Variants in RAPGEF3 observed in about 807,000 individuals in gnomAD.
RAPGEF3 encodes the protein 9330170P05Rik.
A neutral mutation model predicts 129.8 loss-of-function variants in RAPGEF3; 103 were observed. That is an observed-to-expected ratio of 0.79 (90% CI 0.68 to 0.93). The LOEUF (loss-of-function observed/expected upper bound fraction) is 0.93, where lower values mean the gene tolerates loss of function less well. Ranked by LOEUF, RAPGEF3 falls within the 40% of genes least tolerant of loss-of-function variation. RAPGEF3 has a pLI of 0.00. For missense variants in RAPGEF3, 1,117 were observed against 1,207.4 expected (o/e 0.93, Z 1.11); for synonymous variants, 436 against 482.6 (o/e 0.90, Z 1.26).
In RAPGEF3 at chr12:47,758,093, G is replaced by A; in HGVS notation, c.7-15C>T. The A allele has an allele frequency of 1.9e-6, 3 of 1,554,192 alleles. No homozygotes were observed. Among genetic ancestry groups the A allele is most frequent in the Non-Finnish European group, 2.6e-6 (3 of 1,149,420 alleles). ...GGCCAGCCCACCTGTGACACGGGGA[G>A]GAAAGTGGACAGCCATGGGACACGA... On this transcript the variant is annotated splice_polypyrimidine_tract_variant and intron_variant, in intron 1 of 27. Coordinates refer to ENST00000449771, the MANE Select transcript of RAPGEF3 (RefSeq NM_001098531.4).
At position 47,738,253 on chromosome 12, in the gene RAPGEF3, G is replaced by T; in HGVS notation, c.2527-6C>A. ...GCGGCTCTGGCCATCATTCTCTGCG[G>T]ACAACACCGGGGCATAAGCTCTTGC... On this transcript the variant is annotated splice_polypyrimidine_tract_variant and splice_region_variant and intron_variant, in intron 25 of 27. Transcript: ENST00000449771. 1.2e-6 allele frequency: 2 copies of T among 1,613,140 alleles called. No individual in the cohort carries two copies. Among genetic ancestry groups the T allele is most frequent in the Non-Finnish European group, 1.7e-6 (2 of 1,179,964 alleles).
At chr12:47,751,585 A>G (rs2072115) in intron 4 of RAPGEF3, 65 bp from the exon 5 acceptor site, 376,577 of 1,606,848 alleles carry the variant, frequency 0.23, 45,903 homozygotes, top group Middle Eastern at 0.25. Flanking sequence ...GGAACTATGC[A>G]TTAGAAAGGC....
chr12:47,743,742 CG>C, intron 17 of RAPGEF3, 66 bp from the exon 18 acceptor site: 2 of 1,562,690 alleles, frequency 1.3e-6, no homozygotes, highest in Non-Finnish European at 8.7e-7. Flanking sequence ...AGGGAGAGGG[CG>C]GCTATTGCAG....
rs1030211967 is a variant in RAPGEF3 at position 47,737,254 on chromosome 12, T to A, written c.*313A>T. The stretch of plus-strand genomic sequence containing the variant: ...CCAGAGGCACAGAATCTGGAAGACA[T>A]CTGGTGTGGAGACCTCTCTATTGCA... On this transcript the variant is annotated 3_prime_UTR_variant, in exon 28 of 28. Transcript: ENST00000449771. 5.9e-6 allele frequency: 2 copies of A among 341,852 alleles called. No homozygotes were observed. Among genetic ancestry groups the A allele is most frequent in the Middle Eastern group, 8.7e-4 (1 of 1,156 alleles). The allele number at this position is 341,852 out of a possible 1,614,324, so 21.2% of individuals were successfully genotyped here.
intron 2 of RAPGEF3, among the ~76,000 whole-genome samples, chr12:47,754,966 G>A (rs535199643): frequency 8.5e-5 from 13 of 152,338 alleles, no homozygotes; most frequent in African/African-American, 3.1e-4. Flanking sequence ...GGAGAGACAG[G>A]CACAGAGCCA....
chr12:47,746,841 A>C lies in RAPGEF3; in HGVS notation c.1596+19T>G. 2 of 1,584,200 alleles carry C rather than the reference A, an allele frequency of 1.3e-6. No individual in the cohort carries two copies. Among genetic ancestry groups the C allele is most frequent in the Non-Finnish European group, 1.7e-6 (2 of 1,169,080 alleles). ...AGTCCAGGAGGAGCAGAGGAAAGAAACTGGGGCCAGGCAGACACCTTCATC... is the reference window on the plus strand; with the variant it reads ...AGTCCAGGAGGAGCAGAGGAAAGAACCTGGGGCCAGGCAGACACCTTCATC... On this transcript the variant is annotated intron_variant, in intron 16 of 27. Coordinates refer to ENST00000449771, the MANE Select transcript of RAPGEF3 (RefSeq NM_001098531.4).
In RAPGEF3 at chr12:47,757,958, T is replaced by G. The variant is rs1473811743; in HGVS notation, c.127A>C (p.Met43Leu). The G allele has an allele frequency of 1.3e-6, 2 of 1,560,720 alleles. No homozygotes were observed. The highest frequency in any genetic ancestry group is 1.7e-6 in the Non-Finnish European group (2 of 1,152,100). The change falls in exon 2 of 28, where the codon ATG (methionine) becomes CTG (leucine). Residue 43 changes from methionine (M) to leucine (L), a missense_variant. Around this residue, in one of 3 missense-constraint regions of RAPGEF3, gnomAD observed 367 missense variants for 373.4 expected, o/e 0.98. Transcript: ENST00000449771. ...GGCCGGTGCATCCTTCTCAACACCA[T>G]GTTGAGTAGTGTCCCCTCCGGCACC... ...DVVPEGTLLN[M>L]VLRRMHRPRS...
rs1457784427 is a variant in RAPGEF3, at chr12:47,750,396, T to C, written c.701A>G (p.Asp234Gly). ...PPGQRTDEEL[D>G]LIFEELLHIK... ...GTGCAGCAGCTCCTCAAAGATGAGG[T>C]CCAGCTCTTCATCCGTGCGCTGACC... The change falls in exon 7 of 28, where the codon GAC (aspartate) becomes GGC (glycine). Residue 234 changes from aspartate to glycine, a missense_variant. By Grantham distance (94) the Asp-to-Gly change is moderately conservative. Around this residue, in one of 3 missense-constraint regions of RAPGEF3, gnomAD observed 367 missense variants for 373.4 expected, o/e 0.98. Transcript: ENST00000449771. The C allele has an allele frequency of 1.2e-6, 2 of 1,613,712 alleles. No homozygotes were observed. The highest frequency in any genetic ancestry group is 2.7e-5 in the African/African-American group (2 of 74,838).
intron 1 of RAPGEF3, 40 bp downstream of exon 1, chr12:47,758,511 C>T (rs776234792): frequency 2.0e-5 from 32 of 1,609,290 alleles, no homozygotes; most frequent in Non-Finnish European, 6.8e-6. Flanking sequence ...CTCTCCCGCC[C>T]TCTCCTGCTC....
At chr12:47,754,356 T>A (rs1941930091) in intron 2 of RAPGEF3, among the ~76,000 whole-genome samples, 1 of 152,258 alleles carries the variant, frequency 6.6e-6, no homozygotes. Flanking sequence ...ACAGGTTTGT[T>A]ATTCTACCCT....
Position 47,737,592 on chromosome 12 carries a change from C to G in RAPGEF3, c.2747G>C (p.Arg916Pro). ...KVIDNQRELS[R>P]LSRELEP ...TCATGGCTCCAGCTCTCGGGAGAGG[C>G]GGGAGAGTTCCCGCTGGTTGTCAAT... Residue 916 changes from arginine to proline, a missense_variant, in exon 28 of 28, where the codon CGC (arginine) becomes CCC (proline). Coordinates refer to ENST00000449771, the MANE Select transcript of RAPGEF3 (RefSeq NM_001098531.4). 1 of 1,604,240 alleles carries G rather than the reference C, an allele frequency of 6.2e-7. No homozygotes were observed. Among genetic ancestry groups the G allele is most frequent in the Non-Finnish European group, 8.5e-7 (1 of 1,175,942 alleles).
chr12:47,736,687 A>T lies in RAPGEF3; in HGVS notation c.*880T>A, dbSNP rs1940811042. 2 of 152,510 alleles carry T rather than the reference A, an allele frequency of 1.3e-5. No homozygotes were observed. The highest frequency in any genetic ancestry group is 2.9e-5 in the Non-Finnish European group (2 of 68,128). 9.4% of individuals were successfully genotyped at this position (152,510 alleles called of 1,614,324 possible). On this transcript the variant is annotated 3_prime_UTR_variant, in exon 28 of 28. Transcript: ENST00000449771. ...ACAAGCCACCCCCAGAAGACCCCAG[A>T]AGCCTGGCCCAACAGGCCAGGACGA...
rs1282361840 is a variant in RAPGEF3, at chr12:47,747,592, A to C, written c.1508T>G (p.Leu503Arg). ...CCACTGCTCCCTCAGCAGGTTGCTGAGTCGGGTGTCCCTGCCCACCAGGTC... is the reference window on the plus strand; with the variant it reads ...CCACTGCTCCCTCAGCAGGTTGCTGCGTCGGGTGTCCCTGCCCACCAGGTC... The part of the protein sequence containing the change: ...LSDLVGRDTR[L>R]SNLLREQWPE... The change falls in exon 15 of 28, where the codon CTC (leucine) becomes CGC (arginine). Residue 503 changes from leucine (L) to arginine (R), a missense_variant. Leu to Arg is a moderately radical substitution (Grantham distance 102, BLOSUM62 -2). Coordinates refer to ENST00000449771, the MANE Select transcript of RAPGEF3 (RefSeq NM_001098531.4). 1.2e-6 allele frequency: 2 copies of C among 1,614,086 alleles called. No homozygotes were observed. Among genetic ancestry groups the C allele is most frequent in the Non-Finnish European group, 1.7e-6 (2 of 1,179,950 alleles).
rs1941605712 is a variant in RAPGEF3 at position 47,749,316 on chromosome 12, T to TGGTCTCA, written c.1041+73_1041+74insTGAGACC. On this transcript the variant is annotated intron_variant, in intron 10 of 27. Transcript: ENST00000449771. The surrounding 1 kb of genome is among the most constrained non-coding windows in gnomAD (Gnocchi z 4.5). ...CCTGCTTCTTACAGGCCCTCTGCTCTGGTCCCTACTCCTCTCTCCACATCA... is the reference window on the plus strand; with the variant it reads ...CCTGCTTCTTACAGGCCCTCTGCTCTGGTCTCAGGTCCCTACTCCTCTCTCCACATCA... 2 of 1,583,612 alleles carry TGGTCTCA rather than the reference T, an allele frequency of 1.3e-6. No individual in the cohort carries two copies. Among genetic ancestry groups the TGGTCTCA allele is most frequent in the Non-Finnish European group, 1.7e-6 (2 of 1,163,196 alleles).
At chr12:47,758,176 T>C (rs1020727026) in intron 1 of RAPGEF3, 98 bp from the exon 2 acceptor site, 1 of 1,466,094 alleles carries the variant, frequency 6.8e-7, no homozygotes, top group Non-Finnish European at 9.0e-7. Flanking sequence ...CTTAGAGTCC[T>C]CTGGACTGGT....
intron 21 of RAPGEF3, 72 bp downstream of exon 21, chr12:47,740,570 C>G: frequency 6.4e-7 from 1 of 1,564,932 alleles, no homozygotes; most frequent in African/African-American, 1.4e-5. Context: ...ACATACTAAG[C>G]AAAGAGGGGG....
In RAPGEF3 at chr12:47,750,428, G is replaced by T. The variant is rs777912604; in HGVS notation, c.672-3C>A. The T allele has an allele frequency of 1.9e-6, 3 of 1,612,084 alleles. No individual in the cohort carries two copies. Among genetic ancestry groups the T allele is most frequent in the East Asian group, 4.5e-5 (2 of 44,832 alleles). On this transcript the variant is annotated splice_region_variant and splice_polypyrimidine_tract_variant and intron_variant, in intron 6 of 27. Coordinates refer to ENST00000449771, the MANE Select transcript of RAPGEF3 (RefSeq NM_001098531.4). ...CTTCATCCGTGCGCTGACCTGGGCT[G>T]CAGGGACAGGAGGAATGGGAGCACA...
At chr12:47,738,528 C>T (rs868520104) in intron 25 of RAPGEF3, among the ~76,000 whole-genome samples, 162 bp downstream of exon 25, 3 of 152,122 alleles carry the variant, frequency 2.0e-5, no homozygotes, top group Non-Finnish European at 4.4e-5. Context: ...CCCTGGCAGA[C>T]CCAGTTGCAG....
intron 15 of RAPGEF3, among the ~76,000 whole-genome samples, chr12:47,747,175 C>T (rs1463172577): frequency 6.6e-6 from 1 of 152,174 alleles, no homozygotes; most frequent in South Asian, 2.1e-4. Context: ...TCCCAACCCC[C>T]CTGAATCTCA....
Sources: allele counts gnomAD v4.1 joint callset (sites outside exome capture counted in the v4.1 genomes callset), GRCh38; gene constraint gnomAD v4.1.1; regional missense constraint gnomAD v4.1.1; non-coding constraint Gnocchi (gnomAD v3.1); transcripts MANE v1.5; gene names NCBI Gene and HGNC (gene_info 2026-07-23, HGNC 2026-07-21).